CBLL1: variants seen among roughly 807,000 people sequenced by gnomAD.
The protein encoded by CBLL1 is Cbl proto-oncogene like 1.
Under a neutral mutation model 44.9 loss-of-function variants are expected in CBLL1, and 4 were observed. The ratio of observed to expected loss-of-function variants is 0.09; its 90% CI spans 0.04 to 0.20. The LOEUF is 0.20. Ranked by LOEUF, CBLL1 falls within the 10% of genes least tolerant of loss-of-function variation. The pLI, the probability that CBLL1 is intolerant of heterozygous loss-of-function variation, is 1.00. For synonymous variants in CBLL1, 235 were observed against 202.2 expected, an observed-to-expected ratio of 1.16 and a Z score of -1.38; for missense variants, 569 against 636.7, an observed-to-expected ratio of 0.89 and a Z score of 1.14.
At chr7:107,746,809 A>G (rs984265252) in intron 1 of CBLL1, among the ~76,000 whole-genome samples, 6 of 152,222 alleles carry the variant, frequency 3.9e-5, no homozygotes, top group Admixed American at 2.0e-4. Flanking sequence ...CCCCATTAAC[A>G]CTGGATTTAT....
intron 4 of CBLL1, 100 bp from the exon 5 acceptor site, chr7:107,755,318 C>T (rs1793481008): frequency 2.3e-6 from 1 of 433,514 alleles, no homozygotes; most frequent in Non-Finnish European, 3.8e-6. Flanking sequence ...CAGGTATTCT[C>T]AAGTGTCTTC....
intron 1 of CBLL1, among the ~76,000 whole-genome samples, chr7:107,745,935 A>T (rs557873237): frequency 6.8e-6 from 1 of 146,610 alleles, no homozygotes; most frequent in South Asian, 2.3e-4. Flanking sequence ...CCAAGTGGAG[A>T]TGAGAGGAAA....
rs1263530473 is a variant in CBLL1 at position 107,759,795 on chromosome 7, C to G, written c.*617C>G. ...GGTATAGTAAGTATACAATGCACTT[C>G]ACTTGGATGCCTTTTCATTTTTAGG... On this transcript the variant is annotated 3_prime_UTR_variant, in exon 6 of 6. Coordinates refer to ENST00000440859, the MANE Select transcript of CBLL1 (RefSeq NM_024814.4). 1 of 152,306 alleles carries G rather than the reference C, an allele frequency of 6.6e-6. No individual in the cohort carries two copies. 9.4% of individuals were successfully genotyped at this position (152,306 alleles called of 1,614,324 possible). A position where few individuals can be genotyped will look rare whatever the true frequency, so the allele number is the denominator to read the frequency against.
intron 1 of CBLL1, among the ~76,000 whole-genome samples, chr7:107,748,233 GCTGA>G (rs555121759): frequency 2.4e-4 from 36 of 152,236 alleles, no homozygotes; most frequent in South Asian, 1.9e-3. Flanking sequence ...CCATTACAGT[GCTGA>G]CTAAGAACTC....
Position 107,758,697 on chromosome 7 carries a change from A to C in CBLL1, c.995A>C (p.His332Pro). ...GGTCAACCAGTGGTATCGCACCCTC[A>C]TCATATTATGCCTCCACAGCAACAT... is the stretch of plus-strand genomic sequence containing the variant. ...YQGQPVVSHP[H>P]HIMPPQQHYA... Residue 332 changes from histidine (H) to proline (P), a missense_variant, in exon 6 of 6, where the codon CAT becomes CCT. His to Pro is a moderately conservative substitution (Grantham distance 77). Coordinates refer to ENST00000440859, the MANE Select transcript of CBLL1 (RefSeq NM_024814.4). The surrounding 1 kb of genome is among the most constrained non-coding windows in gnomAD (Gnocchi z 4.2). 1.2e-6 allele frequency: 2 copies of C among 1,613,788 alleles called. No homozygotes were observed. The highest frequency in any genetic ancestry group is 2.2e-5 in the East Asian group (1 of 44,840).
At chr7:107,755,930 A>T (rs1012895500) in intron 5 of CBLL1, among the ~76,000 whole-genome samples, 1 of 152,090 alleles carries the variant, frequency 6.6e-6, no homozygotes, top group Non-Finnish European at 1.5e-5. Context: ...TATTTTTAGG[A>T]TTAAATGAGG....
At chr7:107,746,199 T>A (rs1584370410) in intron 1 of CBLL1, among the ~76,000 whole-genome samples, 1 of 152,310 alleles carries the variant, frequency 6.6e-6, no homozygotes, top group Admixed American at 6.5e-5. Flanking sequence ...TGAGTCAAGT[T>A]CCTGCCATAG....
At position 107,759,932 on chromosome 7, in the gene CBLL1, C is replaced by T. The variant is rs554654556; in HGVS notation, c.*754C>T. The stretch of plus-strand genomic sequence containing the variant: ...AAAGAGATGGCCAAAATAATCAACT[C>T]TACAGGCTTCAAGCTGGTGGGGGAA... On this transcript the variant is annotated 3_prime_UTR_variant, in exon 6 of 6. Transcript: ENST00000440859. The T allele has an allele frequency of 4.6e-5, 7 of 152,266 alleles. No individual in the cohort carries two copies. The highest frequency in any genetic ancestry group is 1.0e-4 in the Non-Finnish European group (7 of 67,998). 9.4% of individuals were successfully genotyped at this position (152,266 alleles called of 1,614,324 possible).
chr7:107,748,071 A>G (rs1793098278), intron 1 of CBLL1, among the ~76,000 whole-genome samples: 1 of 152,202 alleles, frequency 6.6e-6, no homozygotes, highest in Non-Finnish European at 1.5e-5. Context: ...AGATGGAGTC[A>G]GTTCTATGAA....
chr7:107,755,919 G>A (rs1173507679), intron 5 of CBLL1, among the ~76,000 whole-genome samples: 1 of 151,896 alleles, frequency 6.6e-6, no homozygotes, highest in African/African-American at 2.4e-5. Context: ...CCTCCTTGAG[G>A]TATTTTTAGG....
At chr7:107,751,400 G>A (rs1793286683) in intron 2 of CBLL1, among the ~76,000 whole-genome samples, 2 of 138,712 alleles carry the variant, frequency 1.4e-5, no homozygotes, top group Non-Finnish European at 3.2e-5. Context: ...GGGGACCCCT[G>A]TATTAAAAGT....
At chr7:107,749,182 C>A in intron 2 of CBLL1, 135 bp downstream of exon 2, 1 of 617,806 alleles carries the variant, frequency 1.6e-6, no homozygotes, top group Non-Finnish European at 2.6e-6. Flanking sequence ...TTTGACTTCT[C>A]ATTGTAGCAC....
chr7:107,745,586 A>T (rs764438332), intron 1 of CBLL1, among the ~76,000 whole-genome samples: 22 of 152,250 alleles, frequency 1.4e-4, no homozygotes, highest in Non-Finnish European at 2.8e-4. Context: ...GTCTCTTAAA[A>T]AATACAATAG....
intron 4 of CBLL1, 133 bp downstream of exon 4, chr7:107,754,111 A>G: frequency 2.2e-6 from 1 of 458,782 alleles, no homozygotes; most frequent in Admixed American, 3.9e-5. Flanking sequence ...AACTAAGGGA[A>G]GTATTGGAAT....
Position 107,760,253 on chromosome 7 carries a change from G to T in CBLL1, c.*1075G>T, listed in dbSNP as rs1344416006. On this transcript the variant is annotated 3_prime_UTR_variant, in exon 6 of 6. Transcript: ENST00000440859. ...GAATTTGAATAATATATTAATGAAG[G>T]ACATATTCTTGTAATCACAAATTTG... The T allele has an allele frequency of 6.6e-6, 1 of 152,184 alleles. No individual in the cohort carries two copies. Among genetic ancestry groups the T allele is most frequent in the Non-Finnish European group, 1.5e-5 (1 of 67,928 alleles). 9.4% of individuals were successfully genotyped at this position (152,184 alleles called of 1,614,324 possible). A position where few individuals can be genotyped will look rare whatever the true frequency, so the allele number is the denominator to read the frequency against.
At chr7:107,752,534 C>T (rs1793352038) in intron 2 of CBLL1, 2 of 1,287,794 alleles carry the variant, frequency 1.6e-6, no homozygotes, top group Non-Finnish European at 2.0e-6. Context: ...CTTGGCTACT[C>T]TGTTTACCAG....
chr7:107,749,110 T>G, intron 2 of CBLL1, 63 bp downstream of exon 2: 1 of 1,460,178 alleles, frequency 6.8e-7, no homozygotes, highest in Non-Finnish European at 9.4e-7. Context: ...TCGGACAGTC[T>G]GTGTGATCTT....
In CBLL1 at chr7:107,758,598, A is replaced by G; in HGVS notation, c.896A>G (p.Asp299Gly). 6.2e-7 allele frequency: 1 copy of G among 1,614,044 alleles called. No homozygotes were observed. The highest frequency in any genetic ancestry group is 2.2e-5 in the East Asian group (1 of 44,874). ...HSNLITVPIQDDSNSGAREPP... is the reference protein window; with the variant it reads ...HSNLITVPIQGDSNSGAREPP... Reference sequence around the variant, plus strand: ...AATTTAATAACCGTCCCTATTCAGGATGACTCAAATTCAGGTGCTAGAGAA... The same window carrying G: ...AATTTAATAACCGTCCCTATTCAGGGTGACTCAAATTCAGGTGCTAGAGAA... The change falls in exon 6 of 6, where the codon GAT becomes GGT. Residue 299 changes from aspartate to glycine, a missense_variant. This residue lies in a region of CBLL1 where 228 missense variants were observed against 253.2 expected (regional missense o/e 0.90). Coordinates refer to ENST00000440859, the MANE Select transcript of CBLL1 (RefSeq NM_024814.4). The surrounding 1 kb of genome is among the most constrained non-coding windows in gnomAD (Gnocchi z 4.2).
intron 2 of CBLL1, among the ~76,000 whole-genome samples, chr7:107,749,484 AATTT>A (rs1299620796): frequency 5.3e-5 from 8 of 152,076 alleles, no homozygotes; most frequent in African/African-American, 1.7e-4. Flanking sequence ...GATATACCAT[AATTT>A]ATTTAACAGT....
Sources: allele counts gnomAD v4.1 joint callset (sites outside exome capture counted in the v4.1 genomes callset), GRCh38; gene constraint gnomAD v4.1.1; regional missense constraint gnomAD v4.1.1; non-coding constraint Gnocchi (gnomAD v3.1); transcripts MANE v1.5; gene names NCBI Gene and HGNC (gene_info 2026-07-23, HGNC 2026-07-21).